Variants in ARID3A observed in about 807,000 individuals in gnomAD.
The protein encoded by ARID3A is AT-rich interactive domain-containing protein 3A.
ARID3A carries 11 observed loss-of-function variants against 52.7 expected under a neutral mutation model. That is an observed-to-expected ratio of 0.21 (90% confidence interval 0.13 to 0.35). ARID3A has a LOEUF of 0.35. Ranked by LOEUF, ARID3A falls within the 10% of genes least tolerant of loss-of-function variation. The pLI, the probability that ARID3A is intolerant of heterozygous loss-of-function variation, is 1.00. For missense variants in ARID3A, 721 were observed against 838.5 expected, an observed-to-expected ratio of 0.86 and a Z score of 1.73; for synonymous variants, 404 against 359.4, an observed-to-expected ratio of 1.12 and a Z score of -1.40.
At chr19:969,787 G>A (rs572725876) in intron 8 of ARID3A, among the ~76,000 whole-genome samples, 31 of 150,124 alleles carry the variant, frequency 2.1e-4, no homozygotes, top group African/African-American at 5.9e-4. Context: ...TCCTGGGTTC[G>A]AGCGATTCTC....
At chr19:939,654 T>G (rs2037505565) in intron 3 of ARID3A, among the ~76,000 whole-genome samples, 1 of 151,956 alleles carries the variant, frequency 6.6e-6, no homozygotes, top group South Asian at 2.1e-4. Context: ...GAGGAGCTGT[T>G]TATCTTGGGT....
intron 3 of ARID3A, among the ~76,000 whole-genome samples, chr19:948,400 C>T (rs1381225642): frequency 5.3e-5 from 8 of 152,244 alleles, no homozygotes; most frequent in Admixed American, 2.0e-4. Context: ...GGAAAAACAG[C>T]GAGATTCAAA....
intron 3 of ARID3A, among the ~76,000 whole-genome samples, chr19:953,531 C>G (rs926304217): frequency 5.3e-5 from 8 of 152,186 alleles, no homozygotes; most frequent in Non-Finnish European, 7.3e-5. Flanking sequence ...AGCGTCTTCC[C>G]TCCATCCCCA....
At chr19:930,768 C>T (rs912276902) in intron 2 of ARID3A, among the ~76,000 whole-genome samples, 5 of 151,420 alleles carry the variant, frequency 3.3e-5, no homozygotes, top group African/African-American at 4.8e-5. Context: ...CTTGGCCTCC[C>T]AAAGTGCTGG....
intron 3 of ARID3A, among the ~76,000 whole-genome samples, chr19:934,430 G>T (rs1303490822): frequency 6.6e-6 from 1 of 152,246 alleles, no homozygotes; most frequent in Non-Finnish European, 1.5e-5. Flanking sequence ...AGAAGCCACT[G>T]TCTACCTTGT....
rs2037717701 is a variant in ARID3A, at chr19:947,784, G to A, written c.694-12308G>A. On this transcript the variant is annotated intron_variant, in intron 3 of 8. Transcript: ENST00000263620. This position sits in a 1 kb window ranked among gnomAD's most constrained non-coding sequence, Gnocchi z 6.3. ...GTGCGGCGCTGTGTATTTCCAGAGA[G>A]GGGACTCGGGGCCCATCAGGGCCGG... is the stretch of plus-strand genomic sequence containing the variant. Among the ~76,000 whole-genome samples, 1 of 152,246 alleles carries A rather than the reference G, an allele frequency of 6.6e-6. No individual in the cohort carries two copies. The highest frequency in any genetic ancestry group is 6.5e-5 in the Admixed American group (1 of 15,286).
At chr19:962,410 C>A (rs943206772) in intron 4 of ARID3A, among the ~76,000 whole-genome samples, 2 of 151,890 alleles carry the variant, frequency 1.3e-5, no homozygotes, top group African/African-American at 4.8e-5. Context: ...CTGGGCCCCA[C>A]GACGGGCCCT....
At chr19:965,353 CTGTTTTT>C in intron 6 of ARID3A, 1 of 437,434 alleles carries the variant, frequency 2.3e-6, no homozygotes, top group African/African-American at 2.0e-5. Context: ...TAATTGATCA[CTGTTTTT>C]CCAGTCTACA....
intron 2 of ARID3A, among the ~76,000 whole-genome samples, chr19:930,592 C>G (rs2037301077): frequency 6.7e-6 from 1 of 150,090 alleles, no homozygotes; most frequent in Non-Finnish European, 1.5e-5. Context: ...TCACTGCAAC[C>G]TCCTCCTCCC....
At chr19:951,559 GA>G (rs909579044) in intron 3 of ARID3A, among the ~76,000 whole-genome samples, 3 of 151,140 alleles carry the variant, frequency 2.0e-5, no homozygotes, top group South Asian at 2.1e-4. Flanking sequence ...TCAAAAAAAG[GA>G]AAAAAAACAA....
Position 974,057 on chromosome 19 carries a change from A to C in ARID3A, c.*1992A>C, listed in dbSNP as rs1473841893. On this transcript the variant is annotated 3_prime_UTR_variant, in exon 9 of 9. Transcript: ENST00000263620. ...TGGGCCCTGGGAGCCCTGTTAGGCC[A>C]CCGGCATGGGGGCTTGGTGAGGAAG... 4.4e-6 allele frequency: 1 copy of C among 226,750 alleles called. No homozygotes were observed. The highest frequency in any genetic ancestry group is 5.7e-5 in the Admixed American group (1 of 17,570). 14.0% of individuals were successfully genotyped at this position (226,750 alleles called of 1,614,324 possible). A position where few individuals can be genotyped will look rare whatever the true frequency, so the allele number is the denominator to read the frequency against.
intron 3 of ARID3A, among the ~76,000 whole-genome samples, chr19:946,958 ATT>A (rs111913470): frequency 2.6e-4 from 36 of 138,972 alleles, no homozygotes; most frequent in Admixed American, 3.6e-4. Context: ...TGCCTGGCTA[ATT>A]TTTTTTTTTT....
intron 3 of ARID3A, chr19:956,340 A>T (rs1263188403): frequency 6.6e-6 from 1 of 152,308 alleles, no homozygotes; most frequent in African/African-American, 2.4e-5. Context: ...TTATTAGGCA[A>T]CTGCTGTGTG....
At chr19:927,513 G>A (rs1474230285) in intron 1 of ARID3A, among the ~76,000 whole-genome samples, 1 of 152,040 alleles carries the variant, frequency 6.6e-6, no homozygotes, top group Admixed American at 6.5e-5. Flanking sequence ...CTCGGAGCGG[G>A]CTGGTGGGGG....
intron 1 of ARID3A, among the ~76,000 whole-genome samples, chr19:927,238 C>T (rs1467573770): frequency 6.6e-6 from 1 of 152,158 alleles, no homozygotes; most frequent in Non-Finnish European, 1.5e-5. Flanking sequence ...GTCCAACGAC[C>T]ACCCAGCGCC....
Position 960,040 on chromosome 19 carries a change from C to T in ARID3A, c.694-52C>T. 1 of 1,531,358 alleles carries T rather than the reference C, an allele frequency of 6.5e-7. No individual in the cohort carries two copies. Among genetic ancestry groups the T allele is most frequent in the Non-Finnish European group, 9.0e-7 (1 of 1,112,240 alleles). The allele number at this position is 1,531,358 out of a possible 1,614,324, so 94.9% of individuals were successfully genotyped here. On this transcript the variant is annotated intron_variant, in intron 3 of 8. Transcript: ENST00000263620. This position sits in a 1 kb window ranked among gnomAD's most constrained non-coding sequence, Gnocchi z 4.3. ...CCTCCAGTGCAGGAGGGACATGGTT[C>T]CCACACCTGAGCTCTGGCACCAACT...
At chr19:932,786 G>T in intron 3 of ARID3A, 44 bp downstream of exon 3, 1 of 1,544,030 alleles carries the variant, frequency 6.5e-7, no homozygotes, top group Non-Finnish European at 8.7e-7. Context: ...ACCTGCTCCT[G>T]GGCCAGTGGG....
chr19:933,849 G>T (rs906092123), intron 3 of ARID3A, among the ~76,000 whole-genome samples: 1 of 148,094 alleles, frequency 6.8e-6, no homozygotes, highest in Non-Finnish European at 1.5e-5. Context: ...GACTCGGTGG[G>T]GGGGGGGGGC....
Position 929,998 on chromosome 19 carries a change from T to G in ARID3A, c.368+102T>G. On this transcript the variant is annotated intron_variant, in intron 2 of 8. Coordinates refer to ENST00000263620, the MANE Select transcript of ARID3A (RefSeq NM_005224.3). This position sits in a 1 kb window ranked among gnomAD's most constrained non-coding sequence, Gnocchi z 6.2. ...GGAGTAAGGGTCAGGTCGCGGGATC[T>G]CCTTCCTGTAATTCCAGCAGTTTGA... is the stretch of plus-strand genomic sequence containing the variant. 6.9e-7 allele frequency: 1 copy of G among 1,456,306 alleles called. No individual in the cohort carries two copies. 90.2% of individuals were successfully genotyped at this position (1,456,306 alleles called of 1,614,324 possible). A position where few individuals can be genotyped will look rare whatever the true frequency, so the allele number is the denominator to read the frequency against.
Sources: gnomAD v4.1 joint callset for allele counts (sites outside exome capture counted in the v4.1 genomes callset) on GRCh38, gnomAD v4.1.1 for gene constraint, Gnocchi (gnomAD v3.1) non-coding constraint, MANE v1.5 for transcripts, NCBI Gene and HGNC (gene_info 2026-07-23, HGNC 2026-07-21) for gene names.